Variants in ZNF492 observed in about 807,000 individuals in gnomAD.
ZNF492 encodes zinc finger protein 492, also known as zinc finger protein 115 (Y20).
In ZNF492, 3 loss-of-function variants were observed where a neutral mutation model predicts 6.4. The ratio of observed to expected loss-of-function variants is 0.47; its 90% CI spans 0.21 to 1.22. The LOEUF is 1.22. Among genes scored for constraint, ZNF492 ranks in the 50% most tolerant of loss-of-function variants. The pLI is 0.22. For synonymous variants in ZNF492, 112 were observed against 205.3 expected (o/e 0.55, Z 3.89); for missense variants, 356 against 612.5 (o/e 0.58, Z 4.42).
At chr19:22,639,411 G>A (rs1014213370) in intron 1 of ZNF492, among the ~76,000 whole-genome samples, 1 of 151,768 alleles carries the variant, frequency 6.6e-6, no homozygotes, top group Admixed American at 6.6e-5. Flanking sequence ...TTTTTTGTCA[G>A]TTTGAAAAGC....
At position 22,665,534 on chromosome 19, in the gene ZNF492, G is replaced by A. The variant is rs192078180; in HGVS notation, c.*269G>A. ...ATTAAAAGTGCAATTACTGTCAAAA[G>A]AGTTCAAAAAATAAGCATTTAAAGT... On this transcript the variant is annotated 3_prime_UTR_variant, in exon 4 of 4. Transcript: ENST00000456783. 2 of 555,386 alleles carry A rather than the reference G, an allele frequency of 3.6e-6. No individual in the cohort carries two copies. The highest frequency in any genetic ancestry group is 4.1e-5 in the Admixed American group (1 of 24,284). 34.4% of individuals were successfully genotyped at this position (555,386 alleles called of 1,614,324 possible).
chr19:22,665,577 T>C lies in ZNF492; in HGVS notation c.*312T>C, dbSNP rs1375378651. 6.6e-6 allele frequency: 2 copies of C among 303,252 alleles called. No individual in the cohort carries two copies. The highest frequency in any genetic ancestry group is 2.2e-5 in the African/African-American group (1 of 45,190). 18.8% of individuals were successfully genotyped at this position (303,252 alleles called of 1,614,324 possible). Reference sequence around the variant, plus strand: ...TTTAAAGTGCTGAAGAGGATTTATTTTGAAGACAAACATTACAAATATAAA... The same window carrying C: ...TTTAAAGTGCTGAAGAGGATTTATTCTGAAGACAAACATTACAAATATAAA... On this transcript the variant is annotated 3_prime_UTR_variant, in exon 4 of 4. Transcript: ENST00000456783.
intron 1 of ZNF492, among the ~76,000 whole-genome samples, chr19:22,635,002 G>A (rs761867626): frequency 6.6e-5 from 10 of 152,162 alleles, no homozygotes; most frequent in Non-Finnish European, 1.3e-4. Context: ...AAGGAAAGAT[G>A]CAGATGAAAA....
chr19:22,643,860 C>T (rs1044632969), intron 1 of ZNF492, among the ~76,000 whole-genome samples: 2 of 152,120 alleles, frequency 1.3e-5, no homozygotes, highest in African/African-American at 2.4e-5. Flanking sequence ...TTCACCTGTG[C>T]ACTAAAGGGT....
chr19:22,636,341 T>G (rs10408760), intron 1 of ZNF492, among the ~76,000 whole-genome samples: 8,876 of 152,120 alleles, frequency 0.058, 835 homozygotes, highest in African/African-American at 0.2. Context: ...TCAGGTGATC[T>G]GCCCGCCTCG....
intron 1 of ZNF492, among the ~76,000 whole-genome samples, chr19:22,645,766 A>G (rs1009758854): frequency 7.2e-5 from 11 of 152,188 alleles, no homozygotes; most frequent in Non-Finnish European, 1.0e-4. Flanking sequence ...AGGACCATTT[A>G]TTGAATAGAA....
intron 1 of ZNF492, among the ~76,000 whole-genome samples, chr19:22,638,368 AT>A (rs1207062633): frequency 2.0e-5 from 3 of 152,036 alleles, no homozygotes; most frequent in Admixed American, 6.6e-5. Flanking sequence ...TAAATCTGTA[AT>A]TTATCTTGAG....
intron 1 of ZNF492, among the ~76,000 whole-genome samples, chr19:22,647,691 A>G (rs1051639332): frequency 7.2e-6 from 1 of 138,094 alleles, no homozygotes; most frequent in Non-Finnish European, 1.6e-5. Context: ...AGCTTTTGGA[A>G]TTGGATTTGT....
chr19:22,646,369 A>T (rs1236844308), intron 1 of ZNF492, among the ~76,000 whole-genome samples: 2 of 152,176 alleles, frequency 1.3e-5, no homozygotes, highest in Non-Finnish European at 2.9e-5. Context: ...TTCATTTTGT[A>T]TCCTGAGACT....
intron 3 of ZNF492, among the ~76,000 whole-genome samples, chr19:22,655,432 T>A (rs892106341): frequency 6.6e-6 from 1 of 152,156 alleles, no homozygotes; most frequent in African/African-American, 2.4e-5. Flanking sequence ...TCTCAGAAAT[T>A]TATTATTTTA....
chr19:22,640,406 C>T (rs1971814891), intron 1 of ZNF492, among the ~76,000 whole-genome samples: 1 of 152,158 alleles, frequency 6.6e-6, no homozygotes, highest in South Asian at 2.1e-4. Context: ...GGGTGATCTG[C>T]CTGCTTTGGC....
intron 1 of ZNF492, among the ~76,000 whole-genome samples, chr19:22,636,615 TTTTA>T (rs1222160752): frequency 1.3e-5 from 2 of 151,528 alleles, no homozygotes; most frequent in African/African-American, 2.4e-5. Context: ...ATCTACCATA[TTTTA>T]TTTATTTATT....
Position 22,666,195 on chromosome 19 carries a change from T to TTTA in ZNF492, c.*932_*933insATT, listed in dbSNP as rs1972125213. On this transcript the variant is annotated 3_prime_UTR_variant, in exon 4 of 4. Coordinates refer to ENST00000456783, the MANE Select transcript of ZNF492 (RefSeq NM_020855.3). ...GTTTTTCTTTTTCTTCTTCTTTTTT[T>TTTA]TTTTTTTTTTAGATGGAGTCTTGCT... The TTTA allele has an allele frequency of 6.7e-6, 1 of 148,910 alleles. No homozygotes were observed. The highest frequency in any genetic ancestry group is 1.5e-5 in the Non-Finnish European group (1 of 67,626). 9.2% of individuals were successfully genotyped at this position (148,910 alleles called of 1,614,324 possible).
rs757487723 is a variant in ZNF492, at chr19:22,665,551, A to C, written c.*286A>C. 2 of 431,710 alleles carry C rather than the reference A, an allele frequency of 4.6e-6. No individual in the cohort carries two copies. The highest frequency in any genetic ancestry group is 5.1e-5 in the East Asian group (1 of 19,528). 26.7% of individuals were successfully genotyped at this position (431,710 alleles called of 1,614,324 possible). A position where few individuals can be genotyped will look rare whatever the true frequency, so the allele number is the denominator to read the frequency against. On this transcript the variant is annotated 3_prime_UTR_variant, in exon 4 of 4. Coordinates refer to ENST00000456783, the MANE Select transcript of ZNF492 (RefSeq NM_020855.3). ...TGTCAAAAGAGTTCAAAAAATAAGC[A>C]TTTAAAGTGCTGAAGAGGATTTATT...
intron 1 of ZNF492, among the ~76,000 whole-genome samples, chr19:22,651,088 A>T (rs1673598946): frequency 6.6e-6 from 1 of 152,114 alleles, no homozygotes; most frequent in African/African-American, 2.4e-5. Flanking sequence ...AATTCCATGG[A>T]AAAGGCATGG....
At chr19:22,649,608 C>T (rs904953261) in intron 1 of ZNF492, among the ~76,000 whole-genome samples, 6 of 151,624 alleles carry the variant, frequency 4.0e-5, no homozygotes, top group African/African-American at 9.7e-5. Context: ...CCATATTTCT[C>T]GGAGGCTTTG....
Position 22,650,637 on chromosome 19 carries a change from G to T in ZNF492, c.-93-2670G>T, listed in dbSNP as rs1437525497. Among the ~76,000 whole-genome samples, 3 of 152,114 alleles carry T rather than the reference G, an allele frequency of 2.0e-5. No homozygotes were observed. The East Asian group carries it at 5.8e-4, about 29-fold the overall frequency. On this transcript the variant is annotated intron_variant, in intron 1 of 3. Transcript: ENST00000456783. ...GGCTGGAGTTGTTGGAGTTCCTGCA[G>T]AGTGGCCCCACACAGTGAGGAGGGA...
At chr19:22,656,466 C>G (rs1285152081) in intron 3 of ZNF492, among the ~76,000 whole-genome samples, 11 of 151,976 alleles carry the variant, frequency 7.2e-5, no homozygotes, top group Non-Finnish European at 1.3e-4. Context: ...TTCCCATGGT[C>G]ACTGTGTGGG....
chr19:22,647,727 G>GTTTTTTTTTTT lies in ZNF492; in HGVS notation c.-93-5570_-93-5560dup, dbSNP rs71180575. On this transcript the variant is annotated intron_variant, in intron 1 of 3. Coordinates refer to ENST00000456783, the MANE Select transcript of ZNF492 (RefSeq NM_020855.3). Reference sequence around the variant, plus strand: ...TTGCTCTTGCTTTCTAGCTCTTTTAGTTTTTTTTTTTTTTTTTTTTGAGAT... The same window carrying GTTTTTTTTTTT: ...TTGCTCTTGCTTTCTAGCTCTTTTAGTTTTTTTTTTTTTTTTTTTTTTTTTTTTTTTGAGAT... 5.4e-4 allele frequency among the ~76,000 whole-genome samples: 50 copies of GTTTTTTTTTTT among 92,576 alleles called. 3 individuals carry two copies. Among genetic ancestry groups the GTTTTTTTTTTT allele is most frequent in the African/African-American group, 1.9e-3 (40 of 21,070 alleles). The allele number at this position is 92,576 out of a possible 152,430, so 60.7% of individuals were successfully genotyped here.
Sources: allele counts gnomAD v4.1 joint callset (sites outside exome capture counted in the v4.1 genomes callset), GRCh38; gene constraint gnomAD v4.1.1; transcripts MANE v1.5; gene names NCBI Gene and HGNC (gene_info 2026-07-23, HGNC 2026-07-21).